MLLT3: variants seen among roughly 807,000 people sequenced by gnomAD.
MLLT3 encodes protein AF-9.
In MLLT3, 4 loss-of-function variants were observed where a neutral mutation model predicts 53.2. The observed-to-expected ratio is 0.08, with a 90% CI of 0.04 to 0.17. The LOEUF is 0.17. Ranked by LOEUF, MLLT3 falls within the 10% of genes least tolerant of loss-of-function variation. The probability of loss-of-function intolerance (pLI) is 1.00; values close to 1 mark genes in which losing one functional copy is unlikely to be tolerated. For missense variants in MLLT3, 569 were observed against 684.0 expected (o/e 0.83, Z 1.87); for synonymous variants, 283 against 230.6 (o/e 1.23, Z -2.06).
intron 2 of MLLT3, among the ~76,000 whole-genome samples, chr9:20,538,734 TA>T (rs1294368959): frequency 6.6e-6 from 1 of 152,214 alleles, no homozygotes; most frequent in African/African-American, 2.4e-5. Flanking sequence ...TTTAGTCCCT[TA>T]AAAACATAAA....
At chr9:20,423,656 A>C (rs1823071493) in intron 4 of MLLT3, among the ~76,000 whole-genome samples, 1 of 151,820 alleles carries the variant, frequency 6.6e-6, no homozygotes, top group Non-Finnish European at 1.5e-5. Flanking sequence ...CTACATTAAA[A>C]AAAAAAAATT....
In MLLT3 at chr9:20,413,927, A is replaced by G. The variant is rs1196782547; in HGVS notation, c.919T>C (p.Phe307Leu). 6.2e-7 allele frequency: 1 copy of G among 1,613,512 alleles called. No individual in the cohort carries two copies. The highest frequency in any genetic ancestry group is 2.2e-5 in the East Asian group (1 of 44,878). ...GGTGGTGCGCTAGAAAAACTTTTAA[A>G]TAAAGCCTCTGAGCTACTCTTTTTC... ...KRKKSSSEAL[F>L]KSFSSAPPLI... Residue 307 changes from phenylalanine (F) to leucine (L), a missense_variant, in exon 5 of 11, where the codon TTT becomes CTT. Around this residue, in one of 5 missense-constraint regions of MLLT3, gnomAD observed 437 missense variants for 376.5 expected, o/e 1.16. Coordinates refer to ENST00000380338, the MANE Select transcript of MLLT3 (RefSeq NM_004529.4).
intron 2 of MLLT3, among the ~76,000 whole-genome samples, chr9:20,508,281 C>A (rs1825435556): frequency 6.6e-6 from 1 of 152,198 alleles, no homozygotes; most frequent in Admixed American, 6.5e-5. Flanking sequence ...TTCCGCCCTT[C>A]CCCTTTTATA....
chr9:20,505,110 G>A (rs1825351979), intron 2 of MLLT3, among the ~76,000 whole-genome samples: 1 of 152,300 alleles, frequency 6.6e-6, no homozygotes, highest in South Asian at 2.1e-4. Context: ...GTGGTTGCTG[G>A]TGGGGTGTTG....
chr9:20,611,753 T>G (rs142864431), intron 2 of MLLT3, among the ~76,000 whole-genome samples: 4 of 152,158 alleles, frequency 2.6e-5, no homozygotes, highest in African/African-American at 7.2e-5. Context: ...TTTTAGAAAT[T>G]CTATCGTAAT....
intron 2 of MLLT3, among the ~76,000 whole-genome samples, chr9:20,463,868 C>T (rs911247857): frequency 5.3e-5 from 8 of 152,116 alleles, no homozygotes; most frequent in Non-Finnish European, 1.0e-4. Flanking sequence ...ACACTAGCTA[C>T]ACAGAAAATG....
intron 2 of MLLT3, among the ~76,000 whole-genome samples, chr9:20,574,739 G>A (rs867113299): frequency 6.6e-6 from 1 of 152,128 alleles, no homozygotes; most frequent in Admixed American, 6.6e-5. Context: ...GGTGGCTGTG[G>A]CAACTTCTGG....
At chr9:20,611,134 A>G (rs1820691968) in intron 2 of MLLT3, among the ~76,000 whole-genome samples, 1 of 152,152 alleles carries the variant, frequency 6.6e-6, no homozygotes, top group Admixed American at 6.6e-5. Flanking sequence ...TATAAAGTCT[A>G]CAATGAACCT....
intron 2 of MLLT3, among the ~76,000 whole-genome samples, chr9:20,482,760 G>A (rs1254890151): frequency 6.6e-6 from 1 of 152,104 alleles, no homozygotes; most frequent in Non-Finnish European, 1.5e-5. Context: ...TTTAATCCAA[G>A]AAGAGTTCAA....
At chr9:20,574,515 C>G (rs1819607412) in intron 2 of MLLT3, among the ~76,000 whole-genome samples, 1 of 152,138 alleles carries the variant, frequency 6.6e-6, no homozygotes, top group Admixed American at 6.5e-5. Flanking sequence ...TACACTATAC[C>G]ATAGTCTATT....
At chr9:20,545,816 C>T (rs1007199319) in intron 2 of MLLT3, among the ~76,000 whole-genome samples, 34 of 134,890 alleles carry the variant, frequency 2.5e-4, no homozygotes, top group African/African-American at 9.4e-4. Context: ...GACAGGAGTT[C>T]GAGACTAGCC....
At chr9:20,437,550 T>C (rs1221611029) in intron 4 of MLLT3, among the ~76,000 whole-genome samples, 1 of 151,928 alleles carries the variant, frequency 6.6e-6, no homozygotes, top group Non-Finnish European at 1.5e-5. Flanking sequence ...AAGAAGCCAA[T>C]CCCTTCTCTC....
chr9:20,369,415 T>A (rs893772865), intron 5 of MLLT3, among the ~76,000 whole-genome samples: 1 of 152,328 alleles, frequency 6.6e-6, no homozygotes, highest in Non-Finnish European at 1.5e-5. Context: ...CATGACTATA[T>A]ATATCATGAG....
chr9:20,604,111 G>C (rs1482568105), intron 2 of MLLT3, among the ~76,000 whole-genome samples: 2 of 152,002 alleles, frequency 1.3e-5, no homozygotes, highest in African/African-American at 4.8e-5. Flanking sequence ...GCCCTCTTAA[G>C]ACTTAACAAT....
chr9:20,528,719 T>A (rs1167188700), intron 2 of MLLT3, among the ~76,000 whole-genome samples: 1 of 152,210 alleles, frequency 6.6e-6, no homozygotes, highest in Non-Finnish European at 1.5e-5. Flanking sequence ...AAGATGAAAT[T>A]TAGGGAAAAC....
In MLLT3 at chr9:20,536,709, T is replaced by C. The variant is rs1176055683; in HGVS notation, c.194-79923A>G. 2.0e-5 allele frequency among the ~76,000 whole-genome samples: 3 copies of C among 152,220 alleles called. No individual in the cohort carries two copies. The East Asian group carries it at 5.8e-4, about 29-fold the overall frequency. On this transcript the variant is annotated intron_variant, in intron 2 of 10. Transcript: ENST00000380338. ...CTTCCTGAAGGGTAATCTTTTGTAG[T>C]AGTGCCTATTTTGTTTGTTTTAATA...
chr9:20,407,071 T>C (rs1331542831), intron 5 of MLLT3, among the ~76,000 whole-genome samples: 1 of 152,184 alleles, frequency 6.6e-6, no homozygotes, highest in Non-Finnish European at 1.5e-5. Flanking sequence ...TACCATTGCA[T>C]TATCTTGTCT....
chr9:20,459,921 A>G (rs1459940268), intron 2 of MLLT3, among the ~76,000 whole-genome samples: 1 of 152,236 alleles, frequency 6.6e-6, no homozygotes, highest in Non-Finnish European at 1.5e-5. Context: ...CACAATAAAC[A>G]GGCTAGAAAA....
At chr9:20,387,543 T>C (rs1244418579) in intron 5 of MLLT3, among the ~76,000 whole-genome samples, 1 of 152,228 alleles carries the variant, frequency 6.6e-6, no homozygotes, top group African/African-American at 2.4e-5. Flanking sequence ...CTCTGTCCTA[T>C]GGCAGCTAAA....
Sources: allele counts gnomAD v4.1 joint callset (sites outside exome capture counted in the v4.1 genomes callset), GRCh38; gene constraint gnomAD v4.1.1; regional missense constraint gnomAD v4.1.1; transcripts MANE v1.5; gene names NCBI Gene and HGNC (gene_info 2026-07-23, HGNC 2026-07-21).